PAQR3: variants seen among roughly 807,000 people sequenced by gnomAD.
PAQR3 encodes the protein progestin and adipoQ receptor family member 3.
Under a neutral mutation model 41.7 loss-of-function variants are expected in PAQR3, and 39 were observed. The observed-to-expected ratio is 0.93, with a 90% CI of 0.72 to 1.22. The LOEUF is 1.22. PAQR3 is among the 50% of genes most tolerant of loss of function. PAQR3 has a pLI of 0.00. For synonymous variants in PAQR3, 140 were observed against 140.6 expected, an observed-to-expected ratio of 1.00 and a Z score of 0.03; for missense variants, 366 against 385.6, an observed-to-expected ratio of 0.95 and a Z score of 0.42.
intron 1 of PAQR3, among the ~76,000 whole-genome samples, chr4:78,937,312 G>T (rs1460114796): frequency 6.6e-6 from 1 of 152,168 alleles, no homozygotes; most frequent in African/African-American, 2.4e-5. Flanking sequence ...GGCGGCAGAG[G>T]TTCTCCCGTT....
chr4:78,926,534 G>A lies in PAQR3; in HGVS notation c.689C>T (p.Ala230Val). 3 of 1,611,932 alleles carry A rather than the reference G, an allele frequency of 1.9e-6. No individual in the cohort carries two copies. Among genetic ancestry groups the A allele is most frequent in the East Asian group, 4.5e-5 (2 of 44,866 alleles). ...HWVWLNGGIG[A>V]PIVQDFAPRV... Reference sequence around the variant, plus strand: ...CACTCAACCTACCTGTACAATAGGAGCACCAATTCCTCCATTGAGCCAAAC... The same window carrying A: ...CACTCAACCTACCTGTACAATAGGAACACCAATTCCTCCATTGAGCCAAAC... Residue 230 changes from alanine to valine, a missense_variant, in exon 4 of 6, where the codon GCT becomes GTT. By Grantham distance (64) the Ala-to-Val change is moderately conservative. Coordinates refer to ENST00000512733, the MANE Select transcript of PAQR3 (RefSeq NM_001040202.2).
chr4:78,900,234 G>A (rs1733925033), intron 11 of PAQR3, among the ~76,000 whole-genome samples: 1 of 152,166 alleles, frequency 6.6e-6, no homozygotes, highest in South Asian at 2.1e-4. Flanking sequence ...AGAATACAGT[G>A]TATAATATAA....
rs1486733050 is a variant in PAQR3, at chr4:78,919,961, A to G, written c.*578T>C. 2.0e-6 allele frequency: 2 copies of G among 985,244 alleles called. No homozygotes were observed. Among genetic ancestry groups the G allele is most frequent in the Non-Finnish European group, 2.4e-6 (2 of 829,494 alleles). 61.0% of individuals were successfully genotyped at this position (985,244 alleles called of 1,614,324 possible). ...TTTAAAGCTTTTGTTCTGGAAAACTAAAATATCTAATGTTCTTAGGGAGAG... is the reference window on the plus strand; with the variant it reads ...TTTAAAGCTTTTGTTCTGGAAAACTGAAATATCTAATGTTCTTAGGGAGAG... On this transcript the variant is annotated 3_prime_UTR_variant, in exon 6 of 6. Transcript: ENST00000512733.
chr4:78,938,234 G>A (rs1221754013), intron 1 of PAQR3, among the ~76,000 whole-genome samples: 1 of 152,140 alleles, frequency 6.6e-6, no homozygotes. Context: ...CTGAAGCAGA[G>A]GTCCTGTATT....
intron 5 of PAQR3, chr4:78,922,765 GA>G (rs547035833): frequency 8.6e-4 from 320 of 370,314 alleles, no homozygotes; most frequent in Non-Finnish European, 1.2e-3. Flanking sequence ...ACCCTGGGGG[GA>G]AAAAAAAGTA....
chr4:78,906,084 A>G (rs1734269548), intron 11 of PAQR3: 1 of 152,072 alleles, frequency 6.6e-6, no homozygotes, highest in South Asian at 2.1e-4. Context: ...GATTAAGTAG[A>G]TCACTGCTAC....
In PAQR3 at chr4:78,912,753, G is replaced by A. The variant is rs1271196439; in HGVS notation, c.*7786C>T. 1 of 151,892 alleles carries A rather than the reference G, an allele frequency of 6.6e-6. No individual in the cohort carries two copies. The highest frequency in any genetic ancestry group is 1.5e-5 in the Non-Finnish European group (1 of 67,972). The allele number at this position is 151,892 out of a possible 1,614,324, so 9.4% of individuals were successfully genotyped here. A position where few individuals can be genotyped will look rare whatever the true frequency, so the allele number is the denominator to read the frequency against. The stretch of plus-strand genomic sequence containing the variant: ...TACATGATAAATATATATAATTTTT[G>A]TCAGTTAAAACAAATTAAAAAAATG... On this transcript the variant is annotated 3_prime_UTR_variant, in exon 6 of 6. Coordinates refer to ENST00000512733, the MANE Select transcript of PAQR3 (RefSeq NM_001040202.2).
chr4:78,931,676 C>T (rs1736914930), intron 2 of PAQR3, among the ~76,000 whole-genome samples: 1 of 151,976 alleles, frequency 6.6e-6, no homozygotes, highest in African/African-American at 2.4e-5. Context: ...GGTACATGTG[C>T]ATTTGGAGGG....
intron 5 of PAQR3, 148 bp downstream of exon 5, chr4:78,923,709 A>G (rs777567403): frequency 1.5e-5 from 10 of 673,142 alleles, no homozygotes; most frequent in Non-Finnish European, 2.4e-5. Context: ...AAGCCCTTTG[A>G]AAGTTTTAGG....
At chr4:78,909,927 C>T (rs114678465), downstream of PAQR3, among the ~76,000 whole-genome samples, 415 of 152,066 alleles carry the variant, frequency 2.7e-3, 3 homozygotes, top group African/African-American at 9.5e-3. Flanking sequence ...GAGCTAAAAA[C>T]ATCTCCAGAT....
At chr4:78,901,071 C>T (rs7692418) in intron 11 of PAQR3, among the ~76,000 whole-genome samples, 20,251 of 152,034 alleles carry the variant, frequency 0.13, 2,494 homozygotes, top group African/African-American at 0.33. Context: ...AGATAAGAGT[C>T]TTGCTCTGTT....
chr4:78,896,479 G>C (rs2110087152), intron 11 of PAQR3, among the ~76,000 whole-genome samples: 1 of 152,158 alleles, frequency 6.6e-6, no homozygotes, highest in East Asian at 1.9e-4. Context: ...CTATAAAATG[G>C]GGGTAATAGT....
At position 78,918,943 on chromosome 4, in the gene PAQR3, T is replaced by C. The variant is rs1344049870; in HGVS notation, c.*1596A>G. ...CATATGGATCAAAATTTTAACCTTATAAGGTAAAACAGCCATTTTCAAAGC... is the reference window on the plus strand; with the variant it reads ...CATATGGATCAAAATTTTAACCTTACAAGGTAAAACAGCCATTTTCAAAGC... On this transcript the variant is annotated 3_prime_UTR_variant, in exon 6 of 6. Coordinates refer to ENST00000512733, the MANE Select transcript of PAQR3 (RefSeq NM_001040202.2). 1 of 984,974 alleles carries C rather than the reference T, an allele frequency of 1.0e-6. No homozygotes were observed. Among genetic ancestry groups the C allele is most frequent in the African/African-American group, 1.7e-5 (1 of 57,174 alleles). 61.0% of individuals were successfully genotyped at this position (984,974 alleles called of 1,614,324 possible).
intron 11 of PAQR3, among the ~76,000 whole-genome samples, chr4:78,901,236 T>C (rs1046736882): frequency 6.6e-6 from 1 of 151,554 alleles, no homozygotes; most frequent in African/African-American, 2.4e-5. Flanking sequence ...TATTATTTTT[T>C]TTTTTGTAGA....
At chr4:78,911,009 G>C (rs185703833), downstream of PAQR3, 1 of 1,613,562 alleles carries the variant, frequency 6.2e-7, no homozygotes, top group East Asian at 2.2e-5. Flanking sequence ...TCTGTCTACA[G>C]AGACAGATCT....
At chr4:78,892,106 G>A (rs943207483) in intron 11 of PAQR3, among the ~76,000 whole-genome samples, 2 of 152,072 alleles carry the variant, frequency 1.3e-5, no homozygotes, top group African/African-American at 4.8e-5. Flanking sequence ...TGTTGGTCTC[G>A]TAAAATGAGT....
intron 11 of PAQR3, among the ~76,000 whole-genome samples, chr4:78,894,392 CG>C (rs1441748635): frequency 6.6e-6 from 1 of 152,130 alleles, no homozygotes; most frequent in African/African-American, 2.4e-5. Flanking sequence ...TGAAATCTTC[CG>C]GATAACTTGT....
chr4:78,925,594 A>G (rs1736112558), intron 4 of PAQR3, among the ~76,000 whole-genome samples: 1 of 152,176 alleles, frequency 6.6e-6, no homozygotes, highest in Non-Finnish European at 1.5e-5. Flanking sequence ...TGCTGCTGCC[A>G]ACTTCATGCA....
intron 11 of PAQR3, among the ~76,000 whole-genome samples, chr4:78,904,676 A>G (rs1175654820): frequency 6.6e-6 from 1 of 151,952 alleles, no homozygotes; most frequent in Admixed American, 6.6e-5. Flanking sequence ...CAGATAGTAG[A>G]ATTCAGCAGA....
Sources: gnomAD v4.1 joint callset for allele counts (sites outside exome capture counted in the v4.1 genomes callset) on GRCh38, gnomAD v4.1.1 for gene constraint, MANE v1.5 for transcripts, NCBI Gene and HGNC (gene_info 2026-07-23, HGNC 2026-07-21) for gene names.